The following SLC12A7 variants were observed in gnomAD, a reference collection of about 807,000 sequenced individuals.
The protein encoded by SLC12A7 is solute carrier family 12 member 7, also known as K-Cl cotransporter 4.
Under a neutral mutation model 120.6 loss-of-function variants are expected in SLC12A7, and 100 were observed. That is an observed-to-expected ratio of 0.83 (90% CI 0.71 to 0.98). The LOEUF is 0.98. SLC12A7 is among the 50% of genes least tolerant of loss of function. SLC12A7 has a pLI of 0.00. For missense variants in SLC12A7, 1,373 were observed against 1,548.1 expected (o/e 0.89, Z 1.90); for synonymous variants, 760 against 678.0 (o/e 1.12, Z -1.88).
chr5:1,121,076 C>A, the SLC12A7 span, among the ~76,000 whole-genome samples: 1 of 152,226 alleles, frequency 6.6e-6, no homozygotes, highest in Admixed American at 6.5e-5. Context: ...ACTGAGTCCA[C>A]CCAACCCTCC....
At chr5:1,102,254 G>A (rs2150901440) in intron 1 of SLC12A7, among the ~76,000 whole-genome samples, 1 of 152,324 alleles carries the variant, frequency 6.6e-6, no homozygotes, top group East Asian at 1.9e-4. Flanking sequence ...TCAGATCCCT[G>A]ACCCATCCCG....
At position 1,051,013 on chromosome 5, in the gene SLC12A7, A is replaced by C; in HGVS notation, c.*1347T>G. ...GTATATAGAAGCAACCTCTTTATGG[A>C]CAACCTTGTTACCACGTAACTCCCT... On this transcript the variant is annotated 3_prime_UTR_variant, in exon 24 of 24. Coordinates refer to ENST00000264930, the MANE Select transcript of SLC12A7 (RefSeq NM_006598.3). 2 of 398,548 alleles carry C rather than the reference A, an allele frequency of 5.0e-6. No individual in the cohort carries two copies. Among genetic ancestry groups the C allele is most frequent in the Non-Finnish European group, 8.8e-6 (2 of 226,016 alleles). The allele number at this position is 398,548 out of a possible 1,614,324, so 24.7% of individuals were successfully genotyped here. A position where few individuals can be genotyped will look rare whatever the true frequency, so the allele number is the denominator to read the frequency against.
Position 1,064,257 on chromosome 5 carries a change from G to A in SLC12A7, c.2438-5C>T, listed in dbSNP as rs776412060. On this transcript the variant is annotated splice_polypyrimidine_tract_variant and splice_region_variant and intron_variant, in intron 18 of 23. Coordinates refer to ENST00000264930, the MANE Select transcript of SLC12A7 (RefSeq NM_006598.3). Reference sequence around the variant, plus strand: ...CGGTGGTGTCGCGGACGGTGTCTGCGGAGAGAGGCGGCCGTCCGCAGGTCA... The same window carrying A: ...CGGTGGTGTCGCGGACGGTGTCTGCAGAGAGAGGCGGCCGTCCGCAGGTCA... The A allele has an allele frequency of 1.3e-4, 209 of 1,605,660 alleles. No homozygotes were observed. Among genetic ancestry groups the A allele is most frequent in the South Asian group, 1.0e-3 (92 of 90,094 alleles).
At chr5:1,099,926 C>T (rs754559952) in intron 1 of SLC12A7, among the ~76,000 whole-genome samples, 10 of 152,192 alleles carry the variant, frequency 6.6e-5, no homozygotes, top group South Asian at 2.1e-4. Flanking sequence ...AGGCCTGGCC[C>T]GCCCCACTTC....
chr5:1,089,177 G>A (rs1740225511), intron 3 of SLC12A7, 49 bp from the exon 4 acceptor site: 3 of 1,588,292 alleles, frequency 1.9e-6, no homozygotes, highest in South Asian at 1.1e-5. Context: ...CACACCCAGA[G>A]GGAGCCCCCT....
chr5:1,094,020 G>A, intron 2 of SLC12A7, 134 bp downstream of exon 2: 1 of 683,512 alleles, frequency 1.5e-6, no homozygotes, highest in East Asian at 2.7e-5. Flanking sequence ...CTTCAGGACA[G>A]GGAGGCCCCA....
chr5:1,154,760 G>A, the SLC12A7 span, among the ~76,000 whole-genome samples: 2 of 145,880 alleles, frequency 1.4e-5, no homozygotes, highest in East Asian at 2.1e-4. Context: ...AGGGCCCGTC[G>A]GAGCCCTTCT....
Position 1,075,372 on chromosome 5 carries a change from C to G in SLC12A7, c.1966G>C (p.Gly656Arg). ...GTAAGGGGGGCTGACAGCGCTTACC[C>G]GCGGTACTCGATGTACTTGTAGATG... is the stretch of plus-strand genomic sequence containing the variant. ...GCIYKYIEYRGAEKEWGDGIR... is the reference protein window; with the variant it reads ...GCIYKYIEYRRAEKEWGDGIR... The change falls in exon 15 of 24, where the codon GGG (glycine) becomes CGG (arginine). Residue 656 changes from glycine (G) to arginine (R), a missense_variant and splice_region_variant. Transcript: ENST00000264930. 2 of 1,610,002 alleles carry G rather than the reference C, an allele frequency of 1.2e-6. No individual in the cohort carries two copies. Among genetic ancestry groups the G allele is most frequent in the East Asian group, 4.5e-5 (2 of 44,758 alleles).
At chr5:1,122,086 G>A in the SLC12A7 span, among the ~76,000 whole-genome samples, 20 of 152,280 alleles carry the variant, frequency 1.3e-4, no homozygotes, top group Non-Finnish European at 2.5e-4. Context: ...CCACGGCAAC[G>A]CAGCCCCCAT....
At chr5:1,108,678 C>T (rs904045260) in intron 1 of SLC12A7, among the ~76,000 whole-genome samples, 2 of 152,236 alleles carry the variant, frequency 1.3e-5, no homozygotes, top group African/African-American at 4.8e-5. Flanking sequence ...AAGGGGACCC[C>T]AGATCAGCAC....
At chr5:1,064,820 G>C (rs1736778584) in intron 18 of SLC12A7, among the ~76,000 whole-genome samples, 2 of 140,328 alleles carry the variant, frequency 1.4e-5, no homozygotes, top group Non-Finnish European at 3.1e-5. Context: ...GACAGTGAGG[G>C]AACGGCGAGG....
chr5:1,055,338 T>G (rs1451270079), intron 22 of SLC12A7, among the ~76,000 whole-genome samples: 2 of 152,186 alleles, frequency 1.3e-5, no homozygotes, highest in Non-Finnish European at 2.9e-5. Flanking sequence ...CACAGGCAGG[T>G]ACACGTCCAC....
the SLC12A7 span, among the ~76,000 whole-genome samples, chr5:1,131,360 GCAGCT>G: frequency 6.6e-6 from 1 of 152,208 alleles, no homozygotes; most frequent in Non-Finnish European, 1.5e-5. Context: ...CTCAGCCTCA[GCAGCT>G]GCTGAAGGGT....
Position 1,083,963 on chromosome 5 carries a change from G to A in SLC12A7, c.918-7C>T, listed in dbSNP as rs372689530. 735 of 1,598,302 alleles carry A rather than the reference G, an allele frequency of 4.6e-4. 1 individual carries two copies. Among genetic ancestry groups the A allele is most frequent in the Non-Finnish European group, 5.3e-4 (630 of 1,178,788 alleles). ...GTTCCCCAGGAGGCAGACCCTGGGCGGGACAGGGAGGCACGGCACGTGTGC... is the reference window on the plus strand; with the variant it reads ...GTTCCCCAGGAGGCAGACCCTGGGCAGGACAGGGAGGCACGGCACGTGTGC... On this transcript the variant is annotated splice_region_variant and splice_polypyrimidine_tract_variant and intron_variant, in intron 7 of 23. Transcript: ENST00000264930.
chr5:1,117,079 GCT>G, the SLC12A7 span, among the ~76,000 whole-genome samples: 1 of 152,164 alleles, frequency 6.6e-6, no homozygotes, highest in Non-Finnish European at 1.5e-5. The surrounding 1 kb of genome is among the most constrained non-coding windows in gnomAD (Gnocchi z 4.5). Flanking sequence ...GGATTTGCTG[GCT>G]CTGTCTCAGA....
rs1734971752 is a variant in SLC12A7 at position 1,050,962 on chromosome 5, C to T, written c.*1398G>A. The T allele has an allele frequency of 5.0e-6, 2 of 398,528 alleles. No homozygotes were observed. The highest frequency in any genetic ancestry group is 8.8e-6 in the Non-Finnish European group (2 of 226,058). The allele number at this position is 398,528 out of a possible 1,614,324, so 24.7% of individuals were successfully genotyped here. ...GAGACCATGCAAGCCAGACGTAGCC[C>T]AAGGCCTGGCCATCTGGGGCCTCTA... is the stretch of plus-strand genomic sequence containing the variant. On this transcript the variant is annotated 3_prime_UTR_variant, in exon 24 of 24. Transcript: ENST00000264930.
At chr5:1,144,223 C>T in the SLC12A7 span, among the ~76,000 whole-genome samples, 1 of 152,194 alleles carries the variant, frequency 6.6e-6, no homozygotes, top group Non-Finnish European at 1.5e-5. Flanking sequence ...TTGGCCGGCG[C>T]AGCGCCGGGT....
At chr5:1,121,897 G>C in the SLC12A7 span, among the ~76,000 whole-genome samples, 2 of 152,166 alleles carry the variant, frequency 1.3e-5, no homozygotes, top group Admixed American at 6.5e-5. Context: ...GTGCAAGTGT[G>C]GGGGGCATGA....
In SLC12A7 at chr5:1,076,716, T is replaced by C. The variant is rs1164152563; in HGVS notation, c.1726A>G (p.Ser576Gly). The change falls in exon 13 of 24, where the codon AGC becomes GGC. Residue 576 changes from serine to glycine, a missense_variant. By Grantham distance (56) the Ser-to-Gly change is moderately conservative. Coordinates refer to ENST00000264930, the MANE Select transcript of SLC12A7 (RefSeq NM_006598.3). ...CACATGGAGAGGATCGGGGCCACGC[T>C]GTCCAGAGAGGCGATGAGGATGCCA... ...ETGILIASLDSVAPILSMFFL... is the reference protein window; with the variant it reads ...ETGILIASLDGVAPILSMFFL... The C allele has an allele frequency of 6.2e-7, 1 of 1,611,260 alleles. No individual in the cohort carries two copies. Among genetic ancestry groups the C allele is most frequent in the Non-Finnish European group, 8.5e-7 (1 of 1,179,852 alleles).
Sources: gnomAD v4.1 joint callset for allele counts (sites outside exome capture counted in the v4.1 genomes callset) on GRCh38, gnomAD v4.1.1 for gene constraint, Gnocchi (gnomAD v3.1) non-coding constraint, MANE v1.5 for transcripts, NCBI Gene and HGNC (gene_info 2026-07-23, HGNC 2026-07-21) for gene names.